HEATR5A: variants seen among roughly 807,000 people sequenced by gnomAD.
The protein encoded by HEATR5A is HEAT repeat-containing protein 5A.
Under a neutral mutation model 218.8 loss-of-function variants are expected in HEATR5A, and 178 were observed. That is an observed-to-expected ratio of 0.81 (90% CI 0.72 to 0.92). The LOEUF is 0.92. Among genes scored for constraint, HEATR5A ranks in the 40% least tolerant of loss-of-function variants. HEATR5A has a pLI of 0.00. For synonymous variants in HEATR5A, 864 were observed against 871.6 expected, an observed-to-expected ratio of 0.99 and a Z score of 0.15; for missense variants, 2,420 against 2,418.9, an observed-to-expected ratio of 1.00 and a Z score of -0.01.
At chr14:31,360,309 C>G (rs1388334246) in intron 14 of HEATR5A, among the ~76,000 whole-genome samples, 1 of 151,844 alleles carries the variant, frequency 6.6e-6, no homozygotes, top group Non-Finnish European at 1.5e-5. Flanking sequence ...ATTATAGGCC[C>G]CTGGTATAGC....
At chr14:31,366,925 AGAGT>A (rs1465883034) in intron 13 of HEATR5A, among the ~76,000 whole-genome samples, 1 of 152,218 alleles carries the variant, frequency 6.6e-6, no homozygotes. Flanking sequence ...TTAATCTGAT[AGAGT>A]ATCTACTAAA....
At chr14:31,393,182 A>G (rs1245799379) in intron 6 of HEATR5A, among the ~76,000 whole-genome samples, 1 of 152,186 alleles carries the variant, frequency 6.6e-6, no homozygotes, top group East Asian at 1.9e-4. Context: ...TTATTGGATA[A>G]CACTTCACAA....
chr14:31,295,433 G>A (rs78253704), intron 34 of HEATR5A: 4,750 of 152,600 alleles, frequency 0.031, 244 homozygotes, highest in African/African-American at 0.11. Flanking sequence ...TTTTTGTAGG[G>A]ATGCATTCTC....
At chr14:31,342,436 T>C (rs924678350) in intron 21 of HEATR5A, among the ~76,000 whole-genome samples, 1 of 152,090 alleles carries the variant, frequency 6.6e-6, no homozygotes, top group East Asian at 1.9e-4. Context: ...ATAATTAATA[T>C]AATAATATAC....
chr14:31,317,826 T>C (rs1899962840), intron 26 of HEATR5A, among the ~76,000 whole-genome samples: 1 of 152,224 alleles, frequency 6.6e-6, no homozygotes, highest in South Asian at 2.1e-4. Context: ...ATAACATTGC[T>C]GGTGGAAATT....
intron 1 of HEATR5A, among the ~76,000 whole-genome samples, chr14:31,409,909 G>A (rs372996438): frequency 2.3e-4 from 35 of 152,134 alleles, no homozygotes; most frequent in African/African-American, 8.2e-4. Flanking sequence ...GGAAACATAT[G>A]TTGAAATTTA....
At chr14:31,420,217 T>A (rs2031601361) in intron 1 of HEATR5A, 1 of 152,408 alleles carries the variant, frequency 6.6e-6, no homozygotes, top group Admixed American at 6.5e-5. Flanking sequence ...ACGCTGTTTA[T>A]CAGCCGACCC....
intron 32 of HEATR5A, among the ~76,000 whole-genome samples, chr14:31,303,660 A>G (rs905787383): frequency 7.9e-5 from 12 of 152,198 alleles, no homozygotes; most frequent in African/African-American, 2.2e-4. Flanking sequence ...TAACACATGC[A>G]TATACACGAA....
chr14:31,324,614 A>C (rs1900206156), intron 23 of HEATR5A, among the ~76,000 whole-genome samples: 1 of 152,096 alleles, frequency 6.6e-6, no homozygotes, highest in Non-Finnish European at 1.5e-5. Flanking sequence ...AGGGAGTATG[A>C]ATGCAAAATT....
chr14:31,394,734 C>T (rs575634909), intron 5 of HEATR5A, among the ~76,000 whole-genome samples: 1 of 152,228 alleles, frequency 6.6e-6, no homozygotes, highest in Non-Finnish European at 1.5e-5. Context: ...AGGAGAATGG[C>T]GTGAACCCGG....
intron 25 of HEATR5A, chr14:31,320,551 G>A (rs1362026183): frequency 1.0e-6 from 1 of 970,112 alleles, no homozygotes; most frequent in African/African-American, 1.6e-5. Flanking sequence ...TATTCAAGGA[G>A]AAGGCAGACA....
At position 31,410,510 on chromosome 14, in the gene HEATR5A, G is replaced by A. The variant is rs144674942; in HGVS notation, c.-74-7461C>T. Among the ~76,000 whole-genome samples, 525 of 152,282 alleles carry A rather than the reference G, an allele frequency of 3.4e-3. 6 individuals carry two copies. Among genetic ancestry groups the A allele is most frequent in the African/African-American group, 0.012 (497 of 41,566 alleles). On this transcript the variant is annotated intron_variant, in intron 1 of 35. Coordinates refer to ENST00000543095, the MANE Select transcript of HEATR5A (RefSeq NM_015473.4). ...ACTCACCAGTTACACAGAGCATTAGGCCACACTTGAGATGTTGCTTAAAGA... is the reference window on the plus strand; with the variant it reads ...ACTCACCAGTTACACAGAGCATTAGACCACACTTGAGATGTTGCTTAAAGA...
intron 12 of HEATR5A, among the ~76,000 whole-genome samples, chr14:31,373,315 T>C (rs189382906): frequency 6.6e-6 from 1 of 151,786 alleles, no homozygotes; most frequent in Non-Finnish European, 1.5e-5. Flanking sequence ...TCACCCTTCA[T>C]GGTGAAACAT....
intron 22 of HEATR5A, among the ~76,000 whole-genome samples, chr14:31,335,305 T>C (rs1469398858): frequency 2.0e-5 from 3 of 152,244 alleles, no homozygotes; most frequent in African/African-American, 4.8e-5. Context: ...TATGCCTATA[T>C]AGCAGCCCAG....
chr14:31,380,739 G>T (rs1471385963), intron 10 of HEATR5A, among the ~76,000 whole-genome samples, 161 bp from the exon 11 acceptor site: 1 of 152,084 alleles, frequency 6.6e-6, no homozygotes, highest in African/African-American at 2.4e-5. Flanking sequence ...CTGTCATAAA[G>T]GAAACTATAA....
In HEATR5A at chr14:31,402,864, A is replaced by G. The variant is rs1229848204; in HGVS notation, c.112T>C (p.Leu38=). 6.5e-6 allele frequency: 10 copies of G among 1,536,512 alleles called. No homozygotes were observed. The South Asian group carries it at 7.1e-5, about 11-fold the overall frequency. Residue 38 remains leucine, a synonymous_variant, in exon 2 of 36, where the codon TTG becomes CTG. Coordinates refer to ENST00000543095, the MANE Select transcript of HEATR5A (RefSeq NM_015473.4). The part of the protein sequence containing the change: ...EWLRYLEKLL[L]ATSRNDVREK... The stretch of plus-strand genomic sequence containing the variant: ...ATTTTACCCACCCTGCTGGTTGCCA[A>G]CAAGAGCTTCTCCAAGTATCTCAAC...
chr14:31,335,383 C>G (rs548773503), intron 22 of HEATR5A, among the ~76,000 whole-genome samples: 1 of 151,860 alleles, frequency 6.6e-6, no homozygotes, highest in Admixed American at 6.6e-5. Context: ...CAAGGTCTCA[C>G]TATATTGCTC....
rs1899070771 is a variant in HEATR5A, at chr14:31,293,087, G to GTCTT, written c.*214_*217dup. On this transcript the variant is annotated 3_prime_UTR_variant, in exon 36 of 36. Transcript: ENST00000543095. ...AAATTCCTGGCAAGTTAGCTCCATT[G>GTCTT]TCTTTTTAAATAGAAAAACAAAACA... 1 of 439,864 alleles carries GTCTT rather than the reference G, an allele frequency of 2.3e-6. No individual in the cohort carries two copies. The highest frequency in any genetic ancestry group is 2.0e-5 in the African/African-American group (1 of 49,404). The allele number at this position is 439,864 out of a possible 1,614,324, so 27.2% of individuals were successfully genotyped here. A position where few individuals can be genotyped will look rare whatever the true frequency, so the allele number is the denominator to read the frequency against.
chr14:31,363,096 A>C (rs766657525), intron 14 of HEATR5A, among the ~76,000 whole-genome samples: 42 of 151,916 alleles, frequency 2.8e-4, no homozygotes, highest in Non-Finnish European at 5.7e-4. Flanking sequence ...AAAATTAGCC[A>C]GGCATGGTAG....
Sources: gnomAD v4.1 joint callset for allele counts (sites outside exome capture counted in the v4.1 genomes callset) on GRCh38, gnomAD v4.1.1 for gene constraint, MANE v1.5 for transcripts, NCBI Gene and HGNC (gene_info 2026-07-23, HGNC 2026-07-21) for gene names.